Variants in EYS observed in about 807,000 individuals in gnomAD.
EYS encodes EGF-like photoreceptor maintenance factor, also known as protein eyes shut homolog.
In EYS, 250 loss-of-function variants were observed where a neutral mutation model predicts 282.1. The ratio of observed to expected loss-of-function variants is 0.89; its 90% CI spans 0.80 to 0.98. The LOEUF (loss-of-function observed/expected upper bound fraction) is 0.98, where lower values mean the gene tolerates loss of function less well. Among genes scored for constraint, EYS ranks in the 50% least tolerant of loss-of-function variants. The probability of loss-of-function intolerance (pLI) is 0.00; values close to 1 mark genes in which losing one functional copy is unlikely to be tolerated. For missense variants in EYS, 4,016 were observed against 3,709.0 expected, an observed-to-expected ratio of 1.08 and a Z score of -2.15; for synonymous variants, 1,355 against 1,282.9, an observed-to-expected ratio of 1.06 and a Z score of -1.20.
chr6:64,965,330 A>G (rs1164098758), intron 14 of EYS, among the ~76,000 whole-genome samples: 1 of 151,990 alleles, frequency 6.6e-6, no homozygotes, highest in South Asian at 2.1e-4. Flanking sequence ...ACCATAAATG[A>G]TCATAAAAAG....
chr6:65,562,014 A>T (rs979656774), intron 2 of EYS, among the ~76,000 whole-genome samples: 2 of 151,368 alleles, frequency 1.3e-5, no homozygotes, highest in African/African-American at 4.8e-5. Flanking sequence ...TTTGTATATT[A>T]TATAAACATG....
chr6:64,846,104 G>T (rs758993850), intron 19 of EYS, among the ~76,000 whole-genome samples: 2 of 152,078 alleles, frequency 1.3e-5, no homozygotes, highest in Non-Finnish European at 2.9e-5. Context: ...ATAACTCTCT[G>T]TTTATCCAAA....
chr6:64,114,320 C>G (rs964124555), intron 31 of EYS, among the ~76,000 whole-genome samples: 1 of 152,002 alleles, frequency 6.6e-6, no homozygotes, highest in Middle Eastern at 3.4e-3. Flanking sequence ...ATTTTATTAG[C>G]TTTATTCTTC....
At position 64,846,097 on chromosome 6, in the gene EYS, AC is replaced by A. The variant is rs1765705781; in HGVS notation, c.2993-23276del. Among the ~76,000 whole-genome samples the A allele has an allele frequency of 2.0e-5, 3 of 152,016 alleles. 1 individual carries two copies. The highest frequency in any genetic ancestry group is 6.6e-5 in the Admixed American group (1 of 15,230). On this transcript the variant is annotated intron_variant, in intron 19 of 42. Transcript: ENST00000503581. ...TTTCCTTGCTCAGAGACTTTCAATA[AC>A]TCTCTGTTTATCCAAAGTAAAGTAG... is the stretch of plus-strand genomic sequence containing the variant.
At chr6:64,666,111 G>T (rs558724833) in intron 22 of EYS, among the ~76,000 whole-genome samples, 1 of 152,124 alleles carries the variant, frequency 6.6e-6, no homozygotes, top group African/African-American at 2.4e-5. Context: ...GTGAGGAGAG[G>T]GAGAGGAGCA....
chr6:65,198,300 G>C (rs1023305799), intron 12 of EYS, among the ~76,000 whole-genome samples: 1 of 151,984 alleles, frequency 6.6e-6, no homozygotes, highest in African/African-American at 2.4e-5. Flanking sequence ...GAATACCCTC[G>C]AAAGATCTGC....
intron 19 of EYS, among the ~76,000 whole-genome samples, chr6:64,858,388 A>G (rs1766132129): frequency 6.6e-6 from 1 of 151,862 alleles, no homozygotes; most frequent in Non-Finnish European, 1.5e-5. Flanking sequence ...GCACCTGTGT[A>G]AAAAATCGCT....
At chr6:64,923,156 A>T (rs963067457) in intron 15 of EYS, among the ~76,000 whole-genome samples, 1 of 151,984 alleles carries the variant, frequency 6.6e-6, no homozygotes, top group African/African-American at 2.4e-5. Flanking sequence ...ACGGGGGAAA[A>T]AAAGGTTTCA....
intron 19 of EYS, among the ~76,000 whole-genome samples, chr6:64,824,531 G>C (rs1764993027): frequency 6.6e-6 from 1 of 151,844 alleles, no homozygotes; most frequent in Non-Finnish European, 1.5e-5. Flanking sequence ...GATTTGGGTG[G>C]TTCCAAAGAC....
intron 29 of EYS, among the ~76,000 whole-genome samples, chr6:64,343,981 A>G (rs915089923): frequency 7.9e-5 from 12 of 152,202 alleles, no homozygotes; most frequent in Non-Finnish European, 7.3e-5. Flanking sequence ...TCCTGGACAC[A>G]TACACACTCC....
rs78656606 is a variant in EYS, at chr6:65,132,341, C to T, written c.2024-74614G>A. 9.3e-3 allele frequency among the ~76,000 whole-genome samples: 1,417 copies of T among 152,016 alleles called. 15 individuals carry two copies. Among genetic ancestry groups the T allele is most frequent in the African/African-American group, 0.032 (1,339 of 41,488 alleles). Reference sequence around the variant, plus strand: ...AATACTTGCAAATCAAATCCAGCAGCATATGAAAAAGATAATCCATCATAA... The same window carrying T: ...AATACTTGCAAATCAAATCCAGCAGTATATGAAAAAGATAATCCATCATAA... On this transcript the variant is annotated intron_variant, in intron 12 of 42. Coordinates refer to ENST00000503581, the MANE Select transcript of EYS (RefSeq NM_001142800.2).
At chr6:64,723,884 G>A (rs573516219) in intron 22 of EYS, among the ~76,000 whole-genome samples, 12 of 152,158 alleles carry the variant, frequency 7.9e-5, no homozygotes, top group Admixed American at 7.9e-4. Flanking sequence ...ACTGCACTGT[G>A]CCTAGTGGTC....
At chr6:64,808,755 A>C (rs1206605309) in intron 22 of EYS, among the ~76,000 whole-genome samples, 1 of 152,140 alleles carries the variant, frequency 6.6e-6, no homozygotes, top group Non-Finnish European at 1.5e-5. Context: ...TTACTGCATC[A>C]GCAAGATTTT....
At chr6:64,107,275 A>C (rs570428271) in intron 31 of EYS, among the ~76,000 whole-genome samples, 39 of 107,558 alleles carry the variant, frequency 3.6e-4, no homozygotes, top group Middle Eastern at 4.7e-3. Context: ...GTGTGTGTAT[A>C]TATATATATT....
chr6:63,828,661 A>G (rs964982187), intron 36 of EYS, among the ~76,000 whole-genome samples: 1 of 152,246 alleles, frequency 6.6e-6, no homozygotes, highest in African/African-American at 2.4e-5. Context: ...TGGGCTAAGG[A>G]CATGAATAGG....
intron 36 of EYS, among the ~76,000 whole-genome samples, chr6:63,824,386 A>C (rs958810944): frequency 5.3e-5 from 8 of 152,218 alleles, no homozygotes; most frequent in Admixed American, 3.9e-4. Context: ...AATGAGAAAA[A>C]GGAAGATCAT....
chr6:64,553,784 G>A (rs1209878859), intron 26 of EYS, among the ~76,000 whole-genome samples: 1 of 151,982 alleles, frequency 6.6e-6, no homozygotes, highest in Non-Finnish European at 1.5e-5. Context: ...TCAGAAAAAT[G>A]TAGATACACC....
At chr6:65,191,978 CA>C (rs1765653292) in intron 12 of EYS, among the ~76,000 whole-genome samples, 1 of 150,784 alleles carries the variant, frequency 6.6e-6, no homozygotes, top group Admixed American at 6.6e-5. Flanking sequence ...TAAAGACTTC[CA>C]AAATATCTAT....
chr6:64,921,024 T>C (rs904708520), intron 15 of EYS, among the ~76,000 whole-genome samples: 10 of 152,258 alleles, frequency 6.6e-5, no homozygotes, highest in Middle Eastern at 3.4e-3. Flanking sequence ...TTTATGCATA[T>C]GGAAATATTA....
Sources: allele counts gnomAD v4.1 joint callset (sites outside exome capture counted in the v4.1 genomes callset), GRCh38; gene constraint gnomAD v4.1.1; transcripts MANE v1.5; gene names NCBI Gene and HGNC (gene_info 2026-07-23, HGNC 2026-07-21).